Variants in PTPRT observed in about 807,000 individuals in gnomAD.
PTPRT encodes the protein receptor-type tyrosine-protein phosphatase T.
In PTPRT, 56 loss-of-function variants were observed where a neutral mutation model predicts 176.8. The observed-to-expected ratio is 0.32, with a 90% CI of 0.26 to 0.40. The LOEUF (loss-of-function observed/expected upper bound fraction) is 0.40, where lower values mean the gene tolerates loss of function less well. Ranked by LOEUF, PTPRT falls within the 10% of genes least tolerant of loss-of-function variation. PTPRT has a pLI of 1.00. For synonymous variants in PTPRT, 783 were observed against 739.0 expected, an observed-to-expected ratio of 1.06 and a Z score of -0.96; for missense variants, 1,540 against 1,908.2, an observed-to-expected ratio of 0.81 and a Z score of 3.60.
At chr20:42,211,193 C>T (rs1040946458) in intron 15 of PTPRT, among the ~76,000 whole-genome samples, 3 of 152,100 alleles carry the variant, frequency 2.0e-5, no homozygotes, top group Non-Finnish European at 4.4e-5. Flanking sequence ...CATAAAAACC[C>T]TAGAAGGAAA....
chr20:42,824,152 T>C (rs1442576088), intron 2 of PTPRT, among the ~76,000 whole-genome samples: 1 of 152,130 alleles, frequency 6.6e-6, no homozygotes, highest in African/African-American at 2.4e-5. Flanking sequence ...GTAACGATTC[T>C]GAGTCTGAAG....
At chr20:42,151,934 G>A (rs187084260) in intron 17 of PTPRT, among the ~76,000 whole-genome samples, 23 of 152,212 alleles carry the variant, frequency 1.5e-4, no homozygotes, top group African/African-American at 5.1e-4. Context: ...GAATGGGAAC[G>A]TTTCATAATC....
intron 5 of PTPRT, among the ~76,000 whole-genome samples, chr20:42,768,107 A>T (rs2077010924): frequency 6.6e-6 from 1 of 151,950 alleles, no homozygotes; most frequent in South Asian, 2.1e-4. Context: ...CTAGCCACAC[A>T]GGCATTTGTC....
the PTPRT span, among the ~76,000 whole-genome samples, chr20:42,066,305 G>A: frequency 6.6e-6 from 1 of 152,022 alleles, no homozygotes; most frequent in South Asian, 2.1e-4. Flanking sequence ...GCCTCCCAAA[G>A]TGCTGGGATT....
At chr20:42,289,422 A>G (rs2057283234) in intron 12 of PTPRT, among the ~76,000 whole-genome samples, 1 of 152,090 alleles carries the variant, frequency 6.6e-6, no homozygotes, top group Admixed American at 6.6e-5. Flanking sequence ...AGAAACTTTA[A>G]CAAATCAGCA....
chr20:42,660,973 T>G (rs6072817), intron 7 of PTPRT, among the ~76,000 whole-genome samples: 42,126 of 151,888 alleles, frequency 0.28, 6,030 homozygotes, highest in Non-Finnish European at 0.3. Flanking sequence ...TGCCTCAGCC[T>G]CCCAAGTAGC....
intron 12 of PTPRT, among the ~76,000 whole-genome samples, chr20:42,286,539 A>T (rs2147071341): frequency 6.6e-6 from 1 of 152,090 alleles, no homozygotes; most frequent in South Asian, 2.1e-4. Context: ...TATTCAGAAG[A>T]ACGAAACTAG....
At chr20:42,384,647 T>C (rs1260528920) in intron 9 of PTPRT, among the ~76,000 whole-genome samples, 4 of 152,224 alleles carry the variant, frequency 2.6e-5, no homozygotes, top group African/African-American at 7.2e-5. Context: ...CTGGGTCACA[T>C]GGTAATTCTA....
intron 1 of PTPRT, among the ~76,000 whole-genome samples, chr20:43,104,398 T>C (rs1417372712): frequency 2.6e-5 from 4 of 151,778 alleles, no homozygotes; most frequent in African/African-American, 9.7e-5. Context: ...TGTGATCCAG[T>C]CAATCAACAT....
At chr20:42,896,995 T>C (rs1483797350) in intron 1 of PTPRT, among the ~76,000 whole-genome samples, 5 of 151,656 alleles carry the variant, frequency 3.3e-5, no homozygotes, top group Admixed American at 6.6e-5. Flanking sequence ...GCCGGGGGGG[T>C]GTTTAAATAA....
At chr20:42,199,135 A>G in intron 16 of PTPRT, 105 bp downstream of exon 16, 1 of 1,367,192 alleles carries the variant, frequency 7.3e-7, no homozygotes, top group East Asian at 2.3e-5. Context: ...AAGCATCCAT[A>G]CCCTATGCCT....
intron 26 of PTPRT, among the ~76,000 whole-genome samples, 188 bp downstream of exon 26, chr20:42,101,936 A>G (rs1473990136): frequency 6.6e-6 from 1 of 152,204 alleles, no homozygotes; most frequent in Non-Finnish European, 1.5e-5. Context: ...AAAAGGAGCC[A>G]AGAGCCCACC....
intron 1 of PTPRT, among the ~76,000 whole-genome samples, chr20:42,972,639 C>T (rs1286642551): frequency 7.9e-6 from 1 of 126,728 alleles, no homozygotes; most frequent in Non-Finnish European, 1.6e-5. Context: ...CCCTGCACTC[C>T]AGCCTGGGCA....
intron 1 of PTPRT, among the ~76,000 whole-genome samples, chr20:43,064,152 C>T (rs1052062468): frequency 2.6e-5 from 4 of 152,198 alleles, no homozygotes; most frequent in Middle Eastern, 3.4e-3. Flanking sequence ...CAGTTAATTC[C>T]TAAATTTACA....
chr20:43,083,138 C>T (rs934117783), intron 1 of PTPRT, among the ~76,000 whole-genome samples: 39 of 151,644 alleles, frequency 2.6e-4, no homozygotes, highest in Middle Eastern at 3.2e-3. Context: ...GTCTGTGCAG[C>T]GAACAGCAGG....
At chr20:42,841,610 T>TACACACACACACACACACACAC (rs3973897) in intron 2 of PTPRT, among the ~76,000 whole-genome samples, 1 of 140,908 alleles carries the variant, frequency 7.1e-6, no homozygotes, top group Non-Finnish European at 1.5e-5. Flanking sequence ...TAGTGTTAAA[T>TACACACACACACACACACACAC]ACACACACAC....
At chr20:42,882,253 A>G (rs762831271) in intron 2 of PTPRT, among the ~76,000 whole-genome samples, 2 of 152,238 alleles carry the variant, frequency 1.3e-5, no homozygotes, top group Non-Finnish European at 2.9e-5. Context: ...CTCTCTGCCT[A>G]AGAGGCACAC....
At chr20:42,301,790 G>C (rs763441010) in intron 12 of PTPRT, among the ~76,000 whole-genome samples, 2 of 152,034 alleles carry the variant, frequency 1.3e-5, no homozygotes, top group African/African-American at 2.4e-5. Context: ...ACATCTCTGT[G>C]CATTTGAAAC....
chr20:42,981,750 C>T (rs577506520), intron 1 of PTPRT, among the ~76,000 whole-genome samples: 6 of 152,346 alleles, frequency 3.9e-5, no homozygotes, highest in Non-Finnish European at 5.9e-5. Context: ...CAAAATAAAA[C>T]GGCTATTGTA....
Sources: allele counts gnomAD v4.1 joint callset (sites outside exome capture counted in the v4.1 genomes callset), GRCh38; gene constraint gnomAD v4.1.1; transcripts MANE v1.5; gene names NCBI Gene and HGNC (gene_info 2026-07-23, HGNC 2026-07-21).